ITGAV: variants seen among roughly 807,000 people sequenced by gnomAD.
ITGAV encodes integrin alpha-V.
A neutral mutation model predicts 143.8 loss-of-function variants in ITGAV; 76 were observed. The observed-to-expected ratio is 0.53, with a 90% CI of 0.44 to 0.64. The LOEUF is 0.64. Ranked by LOEUF, ITGAV falls within the 30% of genes least tolerant of loss-of-function variation. The probability of loss-of-function intolerance (pLI) is 0.00; values close to 1 mark genes in which losing one functional copy is unlikely to be tolerated. For synonymous variants in ITGAV, 453 were observed against 446.7 expected, an observed-to-expected ratio of 1.01 and a Z score of -0.18; for missense variants, 1,193 against 1,274.7, an observed-to-expected ratio of 0.94 and a Z score of 0.98.
chr2:186,664,514 T>C lies in ITGAV; in HGVS notation c.1946T>C (p.Ile649Thr), dbSNP rs200809220. ...SVDSDQKKIY[I>T]GDDNPLTLIV... Reference sequence around the variant, plus strand: ...TGTAGTGATCAAAAGAAGATCTATATTGGGGATGACAACCCTCTGACATTG... The same window carrying C: ...TGTAGTGATCAAAAGAAGATCTATACTGGGGATGACAACCCTCTGACATTG... The change falls in exon 20 of 30, where the codon ATT becomes ACT. Residue 649 changes from isoleucine to threonine, a missense_variant. Coordinates refer to ENST00000261023, the MANE Select transcript of ITGAV (RefSeq NM_002210.5). The C allele has an allele frequency of 1.6e-5, 26 of 1,613,984 alleles. No homozygotes were observed. In the East Asian group the frequency reaches 4.2e-4, roughly 26 times the overall value.
At chr2:186,608,620 A>AT (rs907600811) in intron 2 of ITGAV, among the ~76,000 whole-genome samples, 190 of 149,276 alleles carry the variant, frequency 1.3e-3, no homozygotes, top group African/African-American at 3.9e-3. Context: ...TTTTTTGTTG[A>AT]TTTTTTTTTT....
intron 12 of ITGAV, among the ~76,000 whole-genome samples, chr2:186,645,183 C>T (rs1168473599): frequency 6.6e-5 from 10 of 151,938 alleles, no homozygotes; most frequent in Admixed American, 2.0e-4. Flanking sequence ...AATAGAGTTT[C>T]GGGATAGAGA....
At chr2:186,644,115 T>C (rs1253461628) in intron 12 of ITGAV, among the ~76,000 whole-genome samples, 1 of 152,084 alleles carries the variant, frequency 6.6e-6, no homozygotes, top group Non-Finnish European at 1.5e-5. Flanking sequence ...GGCTGATTTT[T>C]GTATTTTTTG....
At chr2:186,672,172 G>A (rs1439971564) in intron 26 of ITGAV, among the ~76,000 whole-genome samples, 2 of 151,898 alleles carry the variant, frequency 1.3e-5, no homozygotes, top group African/African-American at 4.8e-5. Flanking sequence ...CAGGATGCTT[G>A]ATCTCCTGAC....
At chr2:186,642,078 A>G (rs527638200) in intron 12 of ITGAV, among the ~76,000 whole-genome samples, 35 of 152,236 alleles carry the variant, frequency 2.3e-4, no homozygotes, top group Non-Finnish European at 4.3e-4. Flanking sequence ...AAGGGATGTT[A>G]TATCTCCCTT....
intron 2 of ITGAV, among the ~76,000 whole-genome samples, chr2:186,620,135 T>C (rs1464700474): frequency 6.6e-6 from 1 of 152,218 alleles, no homozygotes; most frequent in Non-Finnish European, 1.5e-5. Context: ...AGGTTTTCTT[T>C]TGGCCCAGAA....
At chr2:186,654,774 T>G in intron 16 of ITGAV, 66 bp downstream of exon 16, 2 of 687,074 alleles carry the variant, frequency 2.9e-6, no homozygotes, top group Non-Finnish European at 5.2e-6. Flanking sequence ...AAAAAATATT[T>G]TAAGATATTC....
intron 21 of ITGAV, 127 bp downstream of exon 21, chr2:186,665,345 T>C (rs1688860383): frequency 1.6e-6 from 1 of 637,252 alleles, no homozygotes; most frequent in Non-Finnish European, 2.7e-6. Context: ...TTCGATATAA[T>C]AGTTAAATGA....
At chr2:186,622,745 C>T (rs1260052693) in intron 3 of ITGAV, among the ~76,000 whole-genome samples, 1 of 151,860 alleles carries the variant, frequency 6.6e-6, no homozygotes, top group Non-Finnish European at 1.5e-5. Flanking sequence ...TGCTTTAATA[C>T]TTCCTCTCTC....
intron 7 of ITGAV, among the ~76,000 whole-genome samples, chr2:186,636,467 T>C (rs1472215407): frequency 1.3e-5 from 2 of 152,222 alleles, no homozygotes; most frequent in Non-Finnish European, 2.9e-5. Context: ...TTCTGGGCAT[T>C]GTTCAAGGTG....
At chr2:186,609,825 A>T (rs1352171434) in intron 2 of ITGAV, among the ~76,000 whole-genome samples, 1 of 152,054 alleles carries the variant, frequency 6.6e-6, no homozygotes, top group Non-Finnish European at 1.5e-5. Context: ...CATAAGGGTT[A>T]TACGTGTGTG....
At chr2:186,642,832 C>G (rs1303016910) in intron 12 of ITGAV, among the ~76,000 whole-genome samples, 2 of 152,068 alleles carry the variant, frequency 1.3e-5, no homozygotes, top group Admixed American at 1.3e-4. Flanking sequence ...GCCTGGCCAA[C>G]AGGAGAAGTT....
chr2:186,643,688 GT>G (rs747498315), intron 12 of ITGAV, among the ~76,000 whole-genome samples: 13 of 152,036 alleles, frequency 8.6e-5, no homozygotes, highest in Non-Finnish European at 1.8e-4. Flanking sequence ...ATTATGTGCA[GT>G]TTTTTATCAG....
intron 18 of ITGAV, among the ~76,000 whole-genome samples, chr2:186,662,877 A>C (rs1688785732): frequency 6.6e-6 from 1 of 151,314 alleles, no homozygotes; most frequent in Non-Finnish European, 1.5e-5. Flanking sequence ...TTTTTAAAGG[A>C]CTCTATCTTT....
chr2:186,600,247 T>G, intron 1 of ITGAV: 1 of 1,243,582 alleles, frequency 8.0e-7, no homozygotes, highest in Non-Finnish European at 1.1e-6. Flanking sequence ...GCCAGGGTCT[T>G]TCTACCTCTG....
intron 5 of ITGAV, 113 bp downstream of exon 5, chr2:186,630,971 G>A: frequency 3.6e-6 from 2 of 556,156 alleles, no homozygotes; most frequent in Non-Finnish European, 6.5e-6. Flanking sequence ...GCTCTTTAAT[G>A]AAAACAGTTA....
chr2:186,632,269 T>G (rs1182433733), intron 5 of ITGAV, among the ~76,000 whole-genome samples: 1 of 152,138 alleles, frequency 6.6e-6, no homozygotes, highest in Non-Finnish European at 1.5e-5. Flanking sequence ...TTTTAAAATA[T>G]ATAATGTCCA....
At chr2:186,629,612 G>A (rs1172111483) in intron 4 of ITGAV, among the ~76,000 whole-genome samples, 3 of 151,794 alleles carry the variant, frequency 2.0e-5, no homozygotes, top group African/African-American at 7.3e-5. Flanking sequence ...TATTAAGTGT[G>A]TAATCTTTGG....
chr2:186,594,447 T>C (rs978784134), intron 1 of ITGAV, among the ~76,000 whole-genome samples: 2 of 152,180 alleles, frequency 1.3e-5, no homozygotes, highest in African/African-American at 4.8e-5. Flanking sequence ...TAAGGTTTTC[T>C]TGATTCCATC....
Sources: gnomAD v4.1 joint callset for allele counts (sites outside exome capture counted in the v4.1 genomes callset) on GRCh38, gnomAD v4.1.1 for gene constraint, MANE v1.5 for transcripts, NCBI Gene and HGNC (gene_info 2026-07-23, HGNC 2026-07-21) for gene names.